The following LANCL1 variants were observed in gnomAD, a reference collection of about 807,000 sequenced individuals.
The protein encoded by LANCL1 is LanC like glutathione S-transferase 1.
LANCL1 carries 50 observed loss-of-function variants against 50.6 expected under a neutral mutation model. That is an observed-to-expected ratio of 0.99 (90% confidence interval 0.79 to 1.25). The LOEUF (loss-of-function observed/expected upper bound fraction) is 1.25. Ranked by LOEUF, LANCL1 falls within the 50% of genes most tolerant of loss-of-function variation. The pLI is 0.00. For missense variants in LANCL1, 532 were observed against 480.7 expected (o/e 1.11, Z -1.00); for synonymous variants, 188 against 178.6 (o/e 1.05, Z -0.42).
intron 4 of LANCL1, among the ~76,000 whole-genome samples, chr2:210,450,067 G>T (rs1255324892): frequency 6.6e-6 from 1 of 152,190 alleles, no homozygotes; most frequent in Non-Finnish European, 1.5e-5. Flanking sequence ...AAGGCTGGAT[G>T]CATCATGCTA....
chr2:210,465,989 T>C (rs566824157), intron 3 of LANCL1, among the ~76,000 whole-genome samples: 2 of 152,186 alleles, frequency 1.3e-5, no homozygotes, highest in Non-Finnish European at 2.9e-5. Context: ...ACTACCCTTA[T>C]TTATAAAGCT....
At chr2:210,456,290 C>T (rs1023334778) in intron 3 of LANCL1, among the ~76,000 whole-genome samples, 4 of 152,180 alleles carry the variant, frequency 2.6e-5, no homozygotes, top group Admixed American at 6.5e-5. Context: ...CCAATCTTCA[C>T]GGATTTCAAT....
At chr2:210,451,967 C>A (rs952804749) in intron 4 of LANCL1, among the ~76,000 whole-genome samples, 3 of 152,094 alleles carry the variant, frequency 2.0e-5, no homozygotes, top group South Asian at 4.2e-4. Context: ...ATATAAAATA[C>A]GTAAAATAAG....
rs1694245844 is a variant in LANCL1 at position 210,472,133 on chromosome 2, C to T, written c.82-57G>A. ...AATGTGGGTCACCCAGCTTGCTGGA[C>T]TATAAGCTATCAAAGACAGAAAGGT... On this transcript the variant is annotated intron_variant, in intron 2 of 9. Coordinates refer to ENST00000450366, the MANE Select transcript of LANCL1 (RefSeq NM_006055.3). 2.6e-6 allele frequency: 3 copies of T among 1,133,176 alleles called. No individual in the cohort carries two copies. The Admixed American group carries it at 5.1e-5, about 19-fold the overall frequency. 70.2% of individuals were successfully genotyped at this position (1,133,176 alleles called of 1,614,324 possible).
At chr2:210,440,976 A>C (rs1487944485) in intron 5 of LANCL1, among the ~76,000 whole-genome samples, 1 of 152,164 alleles carries the variant, frequency 6.6e-6, no homozygotes, top group Admixed American at 6.5e-5. Flanking sequence ...AGTTTACAAG[A>C]GTTCGCCTGT....
intron 4 of LANCL1, among the ~76,000 whole-genome samples, chr2:210,446,074 G>C (rs1380233478): frequency 6.6e-6 from 1 of 152,198 alleles, no homozygotes; most frequent in African/African-American, 2.4e-5. Flanking sequence ...GCTCTGAAGA[G>C]AGCAGTGGAT....
chr2:210,455,813 T>TTG (rs1693658483), intron 3 of LANCL1, among the ~76,000 whole-genome samples: 1 of 150,340 alleles, frequency 6.7e-6, no homozygotes, highest in Admixed American at 6.6e-5. Context: ...TGTGTGTGTT[T>TTG]TTTTTTTTTT....
chr2:210,466,359 T>C (rs752167332), intron 3 of LANCL1, among the ~76,000 whole-genome samples: 7 of 152,174 alleles, frequency 4.6e-5, no homozygotes, highest in Non-Finnish European at 8.8e-5. Flanking sequence ...ACTGTGGAGA[T>C]AAAAGTGACT....
chr2:210,476,400 G>T lies in LANCL1; in HGVS notation c.-4C>A. On this transcript the variant is annotated 5_prime_UTR_variant, in exon 2 of 10. Transcript: ENST00000450366. The stretch of plus-strand genomic sequence containing the variant: ...TCGGGAAGGCCCTTTGAGCCATGAC[G>T]CCGGAAGCAAGCCTGCAGAACAGGG... 1 of 1,613,500 alleles carries T rather than the reference G, an allele frequency of 6.2e-7. No individual in the cohort carries two copies. Among genetic ancestry groups the T allele is most frequent in the Non-Finnish European group, 8.5e-7 (1 of 1,179,818 alleles).
rs192081613 is a variant in LANCL1 at position 210,437,303 on chromosome 2, T to C, written c.873+387A>G. 8.2e-4 allele frequency among the ~76,000 whole-genome samples: 125 copies of C among 152,342 alleles called. No homozygotes were observed. The East Asian group carries it at 0.021, about 26-fold the overall frequency. On this transcript the variant is annotated intron_variant, in intron 7 of 9. Transcript: ENST00000450366. The stretch of plus-strand genomic sequence containing the variant: ...AATAATAATCCATTGCATTGTGATA[T>C]GTTCCATTGTATATATGACATTTTA...
At position 210,436,207 on chromosome 2, in the gene LANCL1, G is replaced by A; in HGVS notation, c.1050+9C>T. 1.2e-6 allele frequency: 2 copies of A among 1,612,310 alleles called. No individual in the cohort carries two copies. The highest frequency in any genetic ancestry group is 1.7e-6 in the Non-Finnish European group (2 of 1,178,778). ...GAGCTGCTTTCTATTTGGTGGTTCT[G>A]ACTCCTACCTTACAGGCCCTATACA... is the stretch of plus-strand genomic sequence containing the variant. On this transcript the variant is annotated intron_variant, in intron 8 of 9. Transcript: ENST00000450366.
intron 5 of LANCL1, 63 bp downstream of exon 5, chr2:210,441,245 T>C (rs1693121315): frequency 6.6e-7 from 1 of 1,517,474 alleles, no homozygotes; most frequent in African/African-American, 1.4e-5. Flanking sequence ...TAAACAATAG[T>C]TTAGGCAGAT....
rs550535238 is a variant in LANCL1, at chr2:210,466,681, C to T, written c.199+5278G>A. Among the ~76,000 whole-genome samples, 3 of 152,264 alleles carry T rather than the reference C, an allele frequency of 2.0e-5. No homozygotes were observed. In the South Asian group the frequency reaches 6.2e-4, roughly 32 times the overall value. ...CTTTACTGACAAATTGGATTTTCTG[C>T]CTCCTCCTTTGATTTTTCAGCTACT... On this transcript the variant is annotated intron_variant, in intron 3 of 9. Transcript: ENST00000450366.
chr2:210,475,464 TG>T, intron 2 of LANCL1, among the ~76,000 whole-genome samples: 1 of 152,132 alleles, frequency 6.6e-6, no homozygotes, highest in East Asian at 1.9e-4. Flanking sequence ...CCCAAGTAGC[TG>T]GGACTACAAG....
At chr2:210,438,138 T>A (rs1324840930) in intron 6 of LANCL1, among the ~76,000 whole-genome samples, 2 of 149,146 alleles carry the variant, frequency 1.3e-5, no homozygotes, top group Non-Finnish European at 3.0e-5. Flanking sequence ...TCTTTCTTTT[T>A]TTTTTTTTTT....
chr2:210,449,768 T>G (rs1324063176), intron 4 of LANCL1, among the ~76,000 whole-genome samples: 1 of 152,144 alleles, frequency 6.6e-6, no homozygotes, highest in African/African-American at 2.4e-5. Flanking sequence ...ATAAAATACC[T>G]GGGACTACAA....
chr2:210,476,722 C>A lies in LANCL1; in HGVS notation c.-119G>T. ...GCCCTTCTCGGCCCTGGCCTCTCAC[C>A]CCGCAGCCCCGGACAGTAACAGAAG... On this transcript the variant is annotated 5_prime_UTR_variant, in exon 1 of 10. Coordinates refer to ENST00000450366, the MANE Select transcript of LANCL1 (RefSeq NM_006055.3). The A allele has an allele frequency of 8.9e-7, 1 of 1,125,114 alleles. No individual in the cohort carries two copies. The highest frequency in any genetic ancestry group is 1.1e-6 in the Non-Finnish European group (1 of 916,294). The allele number at this position is 1,125,114 out of a possible 1,614,324, so 69.7% of individuals were successfully genotyped here. A position where few individuals can be genotyped will look rare whatever the true frequency, so the allele number is the denominator to read the frequency against.
intron 4 of LANCL1, among the ~76,000 whole-genome samples, chr2:210,441,998 A>C (rs1255907216): frequency 1.3e-5 from 2 of 151,096 alleles, no homozygotes; most frequent in Non-Finnish European, 1.5e-5. Flanking sequence ...TCCGCCTCCC[A>C]GGTTTAAGTG....
At chr2:210,461,938 T>C (rs1435792943) in intron 3 of LANCL1, among the ~76,000 whole-genome samples, 2 of 152,242 alleles carry the variant, frequency 1.3e-5, no homozygotes, top group Non-Finnish European at 2.9e-5. Context: ...ATCTTTTTGA[T>C]TAAATGTTTA....
Sources: allele counts gnomAD v4.1 joint callset (sites outside exome capture counted in the v4.1 genomes callset), GRCh38; gene constraint gnomAD v4.1.1; transcripts MANE v1.5; gene names NCBI Gene and HGNC (gene_info 2026-07-23, HGNC 2026-07-21).